Variants in CEP290 observed in about 807,000 individuals in gnomAD.
CEP290 encodes centrosomal protein of 290 kDa.
CEP290 carries 317 observed loss-of-function variants against 344.9 expected under a neutral mutation model. That is an observed-to-expected ratio of 0.92 (90% CI 0.84 to 1.01). The LOEUF (loss-of-function observed/expected upper bound fraction) is 1.01, where lower values mean the gene tolerates loss of function less well. CEP290 is among the 50% of genes least tolerant of loss of function. CEP290 has a pLI of 0.00. For synonymous variants in CEP290, 932 were observed against 895.8 expected, an observed-to-expected ratio of 1.04 and a Z score of -0.72; for missense variants, 2,754 against 2,761.4, an observed-to-expected ratio of 1.00 and a Z score of 0.06.
At chr12:88,073,765 C>A (rs900888315) in intron 41 of CEP290, among the ~76,000 whole-genome samples, 1 of 151,758 alleles carries the variant, frequency 6.6e-6, no homozygotes, top group Admixed American at 6.6e-5. Flanking sequence ...GACGTCATCT[C>A]AAAAAATTAA....
Position 88,131,225 on chromosome 12 carries a change from T to C in CEP290, c.442-7A>G, listed in dbSNP as rs1252546173. On this transcript the variant is annotated splice_region_variant and splice_polypyrimidine_tract_variant and intron_variant, in intron 6 of 53. Transcript: ENST00000552810. ...CCTCATTTCGAAGAGCCAACTAAAA[T>C]AGTAAAAAAAAAAAATAAATAAGAA... 6.8e-6 allele frequency: 10 copies of C among 1,463,902 alleles called. No individual in the cohort carries two copies. The highest frequency in any genetic ancestry group is 3.0e-5 in the Admixed American group (1 of 33,418). The allele number at this position is 1,463,902 out of a possible 1,614,324, so 90.7% of individuals were successfully genotyped here.
intron 5 of CEP290, 132 bp from the exon 6 acceptor site, chr12:88,136,918 T>C (rs2040383989): frequency 3.5e-6 from 3 of 851,260 alleles, no homozygotes; most frequent in Admixed American, 5.5e-5. Context: ...AAAATCATAT[T>C]AGCTTAAGAA....
intron 11 of CEP290, 119 bp downstream of exon 11, chr12:88,128,827 T>C: frequency 3.6e-6 from 2 of 561,310 alleles, no homozygotes; most frequent in South Asian, 2.9e-5. Flanking sequence ...TAAACTTATG[T>C]TTAAAAACCC....
At chr12:88,049,736 G>C (rs986895282) in intron 53 of CEP290, 1 of 176,490 alleles carries the variant, frequency 5.7e-6, no homozygotes, top group Admixed American at 6.3e-5. Flanking sequence ...AAAAGATTTT[G>C]TGATTCATAA....
chr12:88,139,167 ATTACT>A lies in CEP290; in HGVS notation c.270_274del (p.Lys90AsnfsTer6), dbSNP rs1027368517. The stretch of plus-strand genomic sequence containing the variant: ...TACCTCCAGTTCATTTTCCAGTTTC[ATTACT>A]TTAGTTTTTAATTGATTTTCTATTT... On this transcript the variant is annotated frameshift_variant, in exon 5 of 54. Coordinates refer to ENST00000552810, the MANE Select transcript of CEP290 (RefSeq NM_025114.4). LOFTEE classifies it high-confidence loss of function. The A allele has an allele frequency of 6.6e-6, 8 of 1,205,224 alleles. No individual in the cohort carries two copies. In the African/African-American group the frequency reaches 9.5e-5, roughly 14 times the overall value. The allele number at this position is 1,205,224 out of a possible 1,614,324, so 74.7% of individuals were successfully genotyped here.
chr12:88,092,688 C>CTT lies in CEP290; in HGVS notation c.3452_3453dup (p.Val1152LysfsTer5). 1 of 1,608,006 alleles carries CTT rather than the reference C, an allele frequency of 6.2e-7. No individual in the cohort carries two copies. The highest frequency in any genetic ancestry group is 8.5e-7 in the Non-Finnish European group (1 of 1,177,666). ...ATGCTTATATGCACTTACTTTGACA[C>CTT]TTCAACTTTTAGTTCCATTTCATTC... On this transcript the variant is annotated frameshift_variant, in exon 29 of 54. Coordinates refer to ENST00000552810, the MANE Select transcript of CEP290 (RefSeq NM_025114.4). LOFTEE classifies it high-confidence loss of function.
rs77579747 is a variant in CEP290, at chr12:88,117,115, T to G, written c.1742A>C (p.Glu581Ala). 62 of 1,557,806 alleles carry G rather than the reference T, an allele frequency of 4.0e-5. No individual in the cohort carries two copies. The African/African-American group carries it at 7.7e-4, about 19-fold the overall frequency. ...GLTTEDLNLT[E>A]NISQGDRISE... ...TATTCTATCTCCTTGAGAAATGTTT[T>G]CAGTTAGGTTCAGGTCCTCAGTGGT... The change falls in exon 18 of 54, where the codon GAA (glutamate) becomes GCA (alanine). Residue 581 changes from glutamate to alanine, a missense_variant. Physicochemically the swap from Glu to Ala is moderately radical, Grantham distance 107. Transcript: ENST00000552810.
intron 28 of CEP290, 80 bp from the exon 29 acceptor site, chr12:88,092,912 GC>G: frequency 7.6e-7 from 1 of 1,310,144 alleles, no homozygotes; most frequent in Non-Finnish European, 1.1e-6. Context: ...TTAAAGTACT[GC>G]AATCCTCTTT....
intron 20 of CEP290, 67 bp from the exon 21 acceptor site, chr12:88,111,925 T>C (rs1040172626): frequency 2.6e-6 from 3 of 1,148,454 alleles, no homozygotes; most frequent in Non-Finnish European, 3.5e-6. Context: ...AAAAACAGTC[T>C]GTCTTTAAAT....
chr12:88,056,784 C>T (rs1188031876), intron 49 of CEP290, among the ~76,000 whole-genome samples: 1 of 152,128 alleles, frequency 6.6e-6, no homozygotes, highest in Non-Finnish European at 1.5e-5. Flanking sequence ...ATGAGCAAGA[C>T]CTGTGTCATG....
intron 13 of CEP290, among the ~76,000 whole-genome samples, chr12:88,122,832 C>G (rs35601372): frequency 0.13 from 19,370 of 152,072 alleles, 1,460 homozygotes; most frequent in Non-Finnish European, 0.18. Flanking sequence ...AGTTACTCAA[C>G]AGTCATACCA....
At chr12:88,133,054 G>C (rs1476841159) in intron 6 of CEP290, among the ~76,000 whole-genome samples, 4 of 151,170 alleles carry the variant, frequency 2.6e-5, no homozygotes, top group African/African-American at 9.7e-5. Flanking sequence ...TCCCTGCAAA[G>C]GACATGATCT....
Position 88,089,452 on chromosome 12 carries a change from C to A in CEP290, c.3609G>T (p.Leu1203Phe). Residue 1203 changes from leucine (L) to phenylalanine (F), a missense_variant, in exon 31 of 54, where the codon TTG becomes TTT. By Grantham distance (22) the Leu-to-Phe change is conservative. Coordinates refer to ENST00000552810, the MANE Select transcript of CEP290 (RefSeq NM_025114.4). ...GTTGAAGAGAGACATTATGTTGGTGCAACTTGGCAATGAGCGACTTTTCAT... is the reference window on the plus strand; with the variant it reads ...GTTGAAGAGAGACATTATGTTGGTGAAACTTGGCAATGAGCGACTTTTCAT... ...QSDEKSLIAK[L>F]HQHNVSLQLS... 6.4e-7 allele frequency: 1 copy of A among 1,573,486 alleles called. No individual in the cohort carries two copies.
chr12:88,051,396 A>G (rs1267688691), intron 52 of CEP290, among the ~76,000 whole-genome samples: 1 of 151,962 alleles, frequency 6.6e-6, no homozygotes, highest in Non-Finnish European at 1.5e-5. Context: ...ACAGGGTTTC[A>G]CCATGTTGGC....
Position 88,126,995 on chromosome 12 carries a change from G to A in CEP290, c.943-557C>T, listed in dbSNP as rs75313654. ...AATTCACATTAAAAATATTCATAAA[G>A]AAGTCTAAAAGCAGAAAAATAATAA... is the stretch of plus-strand genomic sequence containing the variant. On this transcript the variant is annotated intron_variant, in intron 11 of 53. Coordinates refer to ENST00000552810, the MANE Select transcript of CEP290 (RefSeq NM_025114.4). 3.1e-3 allele frequency among the ~76,000 whole-genome samples: 199 copies of A among 64,292 alleles called. 2 individuals are homozygous for A. The East Asian group carries it at 0.093, about 30-fold the overall frequency. The allele number at this position is 64,292 out of a possible 152,430, so 42.2% of individuals were successfully genotyped here.
intron 44 of CEP290, among the ~76,000 whole-genome samples, chr12:88,066,007 G>C (rs1281453153): frequency 2.0e-5 from 3 of 152,152 alleles, no homozygotes. Flanking sequence ...GTGGATAGGA[G>C]TTAGAGATAA....
At chr12:88,077,047 C>A (rs535765881) in intron 41 of CEP290, among the ~76,000 whole-genome samples, 175 bp downstream of exon 41, 1 of 152,084 alleles carries the variant, frequency 6.6e-6, no homozygotes, top group East Asian at 1.9e-4. Context: ...TCCTACAGAA[C>A]AGAAACTTAG....
chr12:88,071,138 A>G (rs146022746), intron 43 of CEP290, among the ~76,000 whole-genome samples, 156 bp downstream of exon 43: 13 of 152,274 alleles, frequency 8.5e-5, no homozygotes, highest in Non-Finnish European at 1.6e-4. Context: ...AATACACCAA[A>G]ATTATGTGGC....
Position 88,130,485 on chromosome 12 carries a change from A to G in CEP290, c.516+60T>C, listed in dbSNP as rs148811318. The G allele has an allele frequency of 2.1e-4, 340 of 1,594,478 alleles. 1 individual carries two copies. The African/African-American group carries it at 4.3e-3, about 20-fold the overall frequency. On this transcript the variant is annotated intron_variant, in intron 8 of 53. Coordinates refer to ENST00000552810, the MANE Select transcript of CEP290 (RefSeq NM_025114.4). ...TCAGAATAACAAAATCATATCCTCT[A>G]AATAGTGCTCTCACAACATATTTTA...
Sources: gnomAD v4.1 joint callset for allele counts (sites outside exome capture counted in the v4.1 genomes callset) on GRCh38, gnomAD v4.1.1 for gene constraint, MANE v1.5 for transcripts, NCBI Gene and HGNC (gene_info 2026-07-23, HGNC 2026-07-21) for gene names.